Variants in ZC3H12C observed in about 807,000 individuals in gnomAD.
ZC3H12C encodes probable ribonuclease ZC3H12C.
A neutral mutation model predicts 76.3 loss-of-function variants in ZC3H12C; 20 were observed. The ratio of observed to expected loss-of-function variants is 0.26; its 90% CI spans 0.18 to 0.38. The LOEUF is 0.38. Ranked by LOEUF, ZC3H12C falls within the 10% of genes least tolerant of loss-of-function variation. The pLI, the probability that ZC3H12C is intolerant of heterozygous loss-of-function variation, is 1.00. For synonymous variants in ZC3H12C, 352 were observed against 399.6 expected (o/e 0.88, Z 1.42); for missense variants, 874 against 1,086.5 (o/e 0.80, Z 2.75).
In ZC3H12C at chr11:110,165,023, G is replaced by A; in HGVS notation, c.1938G>A (p.Arg646=). ...SSDSYVGYND[R]SYVSSPDPQL... ...ACTCCTACGTGGGTTACAATGACCG[G>A]TCCTATGTCAGCTCCCCCGACCCAC... The change falls in exon 6 of 6, where the codon CGG becomes CGA. Residue 646 remains arginine (R), a synonymous_variant. Coordinates refer to ENST00000278590, the MANE Select transcript of ZC3H12C (RefSeq NM_033390.2). The A allele has an allele frequency of 6.2e-7, 1 of 1,613,950 alleles. No homozygotes were observed. The highest frequency in any genetic ancestry group is 1.3e-5 in the African/African-American group (1 of 75,058).
rs1862626778 is a variant in ZC3H12C at position 110,168,942 on chromosome 11, C to A, written c.*3205C>A. 6.6e-6 allele frequency: 1 copy of A among 151,956 alleles called. No homozygotes were observed. Among genetic ancestry groups the A allele is most frequent in the Admixed American group, 6.6e-5 (1 of 15,252 alleles). 9.4% of individuals were successfully genotyped at this position (151,956 alleles called of 1,614,324 possible). Reference sequence around the variant, plus strand: ...AGAGTATTTTATGTATATCTATATACACAAATATGTATTTGTTATGAGGTA... The same window carrying A: ...AGAGTATTTTATGTATATCTATATAAACAAATATGTATTTGTTATGAGGTA... On this transcript the variant is annotated 3_prime_UTR_variant, in exon 6 of 6. Transcript: ENST00000278590.
chr11:110,120,962 A>G (rs768090178), intron 1 of ZC3H12C, among the ~76,000 whole-genome samples: 10 of 152,224 alleles, frequency 6.6e-5, no homozygotes, highest in Non-Finnish European at 1.5e-4. Context: ...ACTGTGGAGA[A>G]AAGTACTTGG....
intron 4 of ZC3H12C, among the ~76,000 whole-genome samples, chr11:110,162,925 A>G (rs977627238): frequency 6.6e-6 from 1 of 152,066 alleles, no homozygotes; most frequent in Non-Finnish European, 1.5e-5. Flanking sequence ...AGTCCATTTC[A>G]TGAGGTGTAT....
At position 110,159,353 on chromosome 11, in the gene ZC3H12C, G is replaced by A. The variant is rs377608051; in HGVS notation, c.1011G>A (p.Arg337=). 1.9e-6 allele frequency: 3 copies of A among 1,614,066 alleles called. No individual in the cohort carries two copies. The highest frequency in any genetic ancestry group is 2.5e-6 in the Non-Finnish European group (3 of 1,180,016). Residue 337 remains arginine, a synonymous_variant, in exon 4 of 6, where the codon AGG becomes AGA. Transcript: ENST00000278590. ...GGAGAGTGGTGTGCTATGACGACAG[G>A]TTCATCGTGAAGCTGGCTTTTGAGT... The part of the protein sequence containing the change: ...QGRRVVCYDD[R]FIVKLAFESD...
At position 110,148,616 on chromosome 11, in the gene ZC3H12C, C is replaced by CA. The variant is rs535899016; in HGVS notation, c.774-4302dup. On this transcript the variant is annotated intron_variant, in intron 2 of 5. Coordinates refer to ENST00000278590, the MANE Select transcript of ZC3H12C (RefSeq NM_033390.2). Reference sequence around the variant, plus strand: ...AACAAATTCACCCACCAAAAGGACTCACTTGAGATATACCAATCTTCCTTA... The same window carrying CA: ...AACAAATTCACCCACCAAAAGGACTCAACTTGAGATATACCAATCTTCCTTA... 2.8e-4 allele frequency among the ~76,000 whole-genome samples: 43 copies of CA among 152,324 alleles called. 1 individual carries two copies. In the South Asian group the frequency reaches 4.4e-3, roughly 15 times the overall value.
intron 1 of ZC3H12C, chr11:110,131,197 C>A: frequency 1.0e-6 from 1 of 973,098 alleles, no homozygotes; most frequent in Non-Finnish European, 1.6e-6. Flanking sequence ...AAATCACCTC[C>A]AATGAAAGTC....
At position 110,138,522 on chromosome 11, in the gene ZC3H12C, A is replaced by C. The variant is rs181879682; in HGVS notation, c.773+1108A>C. Among the ~76,000 whole-genome samples, 124 of 152,192 alleles carry C rather than the reference A, an allele frequency of 8.1e-4. 1 individual carries two copies. Among genetic ancestry groups the C allele is most frequent in the African/African-American group, 2.6e-3 (108 of 41,508 alleles). On this transcript the variant is annotated intron_variant, in intron 2 of 5. Transcript: ENST00000278590. ...TAAAATATCTTGCCGACATGTAATCAATTTTAAAAAGTTATTAATGAGATA... is the reference window on the plus strand; with the variant it reads ...TAAAATATCTTGCCGACATGTAATCCATTTTAAAAAGTTATTAATGAGATA...
In ZC3H12C at chr11:110,126,216, CTTTT is replaced by C. The variant is rs56199067; in HGVS notation, c.22-10425_22-10422del. On this transcript the variant is annotated intron_variant, in intron 1 of 5. Coordinates refer to ENST00000278590, the MANE Select transcript of ZC3H12C (RefSeq NM_033390.2). ...TAGGAAAAGTAGTTGTTGTTTTCTT[CTTTT>C]TTTTTTTTTTTTTTTTTTTTTGAGA... Among the ~76,000 whole-genome samples, 303 of 86,256 alleles carry C rather than the reference CTTTT, an allele frequency of 3.5e-3. 5 individuals carry two copies. The highest frequency in any genetic ancestry group is 2.7e-3 in the Non-Finnish European group (115 of 42,080). The allele number at this position is 86,256 out of a possible 152,430, so 56.6% of individuals were successfully genotyped here.
intron 1 of ZC3H12C, among the ~76,000 whole-genome samples, chr11:110,132,309 G>A (rs184029533): frequency 1.4e-4 from 22 of 152,108 alleles, no homozygotes; most frequent in African/African-American, 4.3e-4. Context: ...TTGGTCACTC[G>A]ATGGAGGAAT....
chr11:110,165,283 A>G lies in ZC3H12C; in HGVS notation c.2198A>G (p.His733Arg). Residue 733 changes from histidine (H) to arginine (R), a missense_variant, in exon 6 of 6, where the codon CAC (histidine) becomes CGC (arginine). This residue lies in a region of ZC3H12C where 395 missense variants were observed against 434.4 expected (regional missense o/e 0.91). Coordinates refer to ENST00000278590, the MANE Select transcript of ZC3H12C (RefSeq NM_033390.2). ...TACCCCTCTCCTCCAAGTTCAGCAC[A>G]CTCTAAGGCACCACACCTAGGGAGG... Reference protein sequence around the residue: ...GDYPSPPSSAHSKAPHLGRSL... With the variant: ...GDYPSPPSSARSKAPHLGRSL... 2 of 1,613,758 alleles carry G rather than the reference A, an allele frequency of 1.2e-6. No homozygotes were observed. The highest frequency in any genetic ancestry group is 2.2e-5 in the South Asian group (2 of 91,072).
intron 1 of ZC3H12C, chr11:110,130,891 G>GTCTTGCATCTGCCCC: frequency 1.3e-6 from 1 of 742,912 alleles, no homozygotes; most frequent in Non-Finnish European, 2.2e-6. Flanking sequence ...TGCTGAGGTT[G>GTCTTGCATCTGCCCC]TCTTGCATCT....
intron 1 of ZC3H12C, among the ~76,000 whole-genome samples, chr11:110,114,590 T>C (rs1049974898): frequency 1.3e-5 from 2 of 152,254 alleles, no homozygotes; most frequent in Non-Finnish European, 2.9e-5. Context: ...ACCTTTCATT[T>C]AGTTTGACTG....
intron 2 of ZC3H12C, among the ~76,000 whole-genome samples, chr11:110,143,582 A>G (rs1208196525): frequency 2.6e-5 from 4 of 152,084 alleles, no homozygotes; most frequent in African/African-American, 9.7e-5. Flanking sequence ...AATATAATTA[A>G]CTATATCTAA....
Position 110,171,576 on chromosome 11 carries a change from T to A in ZC3H12C, c.*5839T>A, listed in dbSNP as rs935849224. ...CTGGAAATCTGTATCGAAACAGCTA[T>A]GTGATTCTGCCACTGAGAAAAAAAA... On this transcript the variant is annotated 3_prime_UTR_variant, in exon 6 of 6. Coordinates refer to ENST00000278590, the MANE Select transcript of ZC3H12C (RefSeq NM_033390.2). 1 of 152,228 alleles carries A rather than the reference T, an allele frequency of 6.6e-6. No homozygotes were observed. Among genetic ancestry groups the A allele is most frequent in the Non-Finnish European group, 1.5e-5 (1 of 68,040 alleles). The allele number at this position is 152,228 out of a possible 1,614,324, so 9.4% of individuals were successfully genotyped here.
At chr11:110,118,393 AG>A (rs1457425071) in intron 1 of ZC3H12C, among the ~76,000 whole-genome samples, 1 of 152,212 alleles carries the variant, frequency 6.6e-6, no homozygotes, top group East Asian at 1.9e-4. Flanking sequence ...GTATAAGAAT[AG>A]GTGTTTCTTT....
intron 2 of ZC3H12C, among the ~76,000 whole-genome samples, chr11:110,150,074 A>T (rs1000769313): frequency 2.0e-5 from 3 of 152,146 alleles, no homozygotes; most frequent in African/African-American, 4.8e-5. Context: ...TTTCCACAGG[A>T]ATAACCAGTT....
chr11:110,164,836 C>T lies in ZC3H12C; in HGVS notation c.1751C>T (p.Pro584Leu), dbSNP rs373532167. Residue 584 changes from proline (P) to leucine (L), a missense_variant, in exon 6 of 6, where the codon CCT becomes CTT. This residue lies in a region of ZC3H12C where 395 missense variants were observed against 434.4 expected (regional missense o/e 0.91). Transcript: ENST00000278590. This position sits in a 1 kb window ranked among gnomAD's most constrained non-coding sequence, Gnocchi z 5.7. The part of the protein sequence containing the change: ...PYEQYPKCDS[P>L]VDIGYYSMLN... ...GAACAGTATCCAAAATGTGACTCAC[C>T]TGTCGACATCGGATATTATTCCATG... 8.1e-6 allele frequency: 13 copies of T among 1,613,878 alleles called. No individual in the cohort carries two copies. The highest frequency in any genetic ancestry group is 2.7e-5 in the African/African-American group (2 of 74,934).
chr11:110,097,981 C>T (rs1861143603), intron 1 of ZC3H12C, among the ~76,000 whole-genome samples: 2 of 152,130 alleles, frequency 1.3e-5, no homozygotes, highest in Non-Finnish European at 2.9e-5. Flanking sequence ...CTATACTATA[C>T]TTTTTATTGT....
intron 3 of ZC3H12C, among the ~76,000 whole-genome samples, chr11:110,156,278 T>C (rs2134194514): frequency 6.6e-6 from 1 of 152,320 alleles, no homozygotes; most frequent in African/African-American, 2.4e-5. Flanking sequence ...AAAAAGACCC[T>C]TGATAAGAAA....
Sources: gnomAD v4.1 joint callset for allele counts (sites outside exome capture counted in the v4.1 genomes callset) on GRCh38, gnomAD v4.1.1 for gene constraint, gnomAD v4.1.1 regional missense constraint, Gnocchi (gnomAD v3.1) non-coding constraint, MANE v1.5 for transcripts, NCBI Gene and HGNC (gene_info 2026-07-23, HGNC 2026-07-21) for gene names.